Variants in PCDH7 observed in about 807,000 individuals in gnomAD.
The protein encoded by PCDH7 is protocadherin-7.
In PCDH7, 17 loss-of-function variants were observed where a neutral mutation model predicts 58.9. The observed-to-expected ratio is 0.29, with a 90% confidence interval of 0.20 to 0.43. PCDH7 has a LOEUF of 0.43. Among genes scored for constraint, PCDH7 ranks in the 20% least tolerant of loss-of-function variants. The pLI is 1.00. For synonymous variants in PCDH7, 664 were observed against 616.4 expected (o/e 1.08, Z -1.14); for missense variants, 1,274 against 1,441.0 (o/e 0.88, Z 1.88).
At chr4:31,058,569 A>G (rs73115201) in intron 3 of PCDH7, among the ~76,000 whole-genome samples, 36,010 of 151,836 alleles carry the variant, frequency 0.24, 4,521 homozygotes, top group South Asian at 0.33. Context: ...TCTAATTTTT[A>G]TTACTTTATT....
intron 1 of PCDH7, among the ~76,000 whole-genome samples, chr4:30,866,519 T>C (rs1012435220): frequency 6.6e-6 from 1 of 152,078 alleles, no homozygotes; most frequent in Non-Finnish European, 1.5e-5. Context: ...TTTGGGCTGA[T>C]TGCTGTAACG....
intron 3 of PCDH7, chr4:30,987,674 T>C (rs2109119005): frequency 6.6e-6 from 1 of 152,240 alleles, no homozygotes. Context: ...GTTTTCTTTT[T>C]TCTAGGGGCC....
chr4:31,081,901 T>C (rs1358521826), intron 3 of PCDH7, among the ~76,000 whole-genome samples: 1 of 152,040 alleles, frequency 6.6e-6, no homozygotes, highest in African/African-American at 2.4e-5. Context: ...GCCTACTGAA[T>C]AGCTGGGATT....
At chr4:31,099,522 C>T (rs1264293198) in intron 3 of PCDH7, among the ~76,000 whole-genome samples, 2 of 152,180 alleles carry the variant, frequency 1.3e-5, no homozygotes, top group Non-Finnish European at 2.9e-5. Flanking sequence ...TCAACACACA[C>T]AAATGTATAC....
chr4:30,948,625 A>G (rs1314618172), intron 2 of PCDH7, among the ~76,000 whole-genome samples: 7 of 152,176 alleles, frequency 4.6e-5, no homozygotes, highest in Non-Finnish European at 8.8e-5. Context: ...TGCAAAAAGT[A>G]TATGCTCAAT....
exon 2 of PCDH7, chr4:30,731,701 A>G (rs1340858105): frequency 2.0e-5 from 3 of 152,142 alleles, no homozygotes. Context: ...AAGCAGCTTC[A>G]AAGAGTTCAG....
chr4:30,775,984 C>T (rs1722015188), intron 1 of PCDH7, among the ~76,000 whole-genome samples: 1 of 152,164 alleles, frequency 6.6e-6, no homozygotes, highest in Non-Finnish European at 1.5e-5. Context: ...TCATTTCCCT[C>T]TAAGACATAG....
chr4:31,129,930 A>AT (rs1441632286), intron 3 of PCDH7, among the ~76,000 whole-genome samples: 4 of 128,326 alleles, frequency 3.1e-5, no homozygotes, highest in African/African-American at 1.1e-4. Flanking sequence ...AACAGGCCAC[A>AT]ATTTTTTTTT....
rs149073921 is a variant in PCDH7 at position 31,013,147 on chromosome 4, A to T, written c.*7+62932A>T. Among the ~76,000 whole-genome samples the T allele has an allele frequency of 8.2e-4, 123 of 150,174 alleles. 25 individuals are homozygous for T. In the East Asian group the frequency reaches 0.026, roughly 32 times the overall value. On this transcript the variant is annotated intron_variant, in intron 3 of 3. Transcript: ENST00000509759. ...GGCTGCAGTGAGCTGTGATATGATC[A>T]CACCACTGTGCTCCAGCCTGGGCAA... is the stretch of plus-strand genomic sequence containing the variant.
chr4:31,111,498 C>G (rs1266089072), intron 3 of PCDH7, among the ~76,000 whole-genome samples: 1 of 151,826 alleles, frequency 6.6e-6, no homozygotes, highest in African/African-American at 2.4e-5. Context: ...TTAGTAGAGA[C>G]GGGGTTTTTC....
intron 1 of PCDH7, among the ~76,000 whole-genome samples, chr4:30,837,603 A>G (rs1203382924): frequency 6.6e-6 from 1 of 151,850 alleles, no homozygotes; most frequent in East Asian, 1.9e-4. Context: ...TTGAGGGAGG[A>G]TGGGCATTGT....
In PCDH7 at chr4:30,723,762, C is replaced by A; in HGVS notation, c.2340C>A (p.Asn780Lys). The change falls in exon 1 of 2, where the codon AAC becomes AAA. Residue 780 changes from asparagine (N) to lysine (K), a missense_variant. Asn to Lys is a moderately conservative substitution (Grantham distance 94). Transcript: ENST00000361762. This position sits in a 1 kb window ranked among gnomAD's most constrained non-coding sequence, Gnocchi z 4.6. ...ATGATGGCATCAATGCAGACCTGAA[C>A]TACAGCATTGTGGGAGGAAATCCCT... The A allele has an allele frequency of 1.2e-6, 2 of 1,614,132 alleles. No individual in the cohort carries two copies. The highest frequency in any genetic ancestry group is 1.7e-6 in the Non-Finnish European group (2 of 1,180,018).
chr4:31,016,560 G>C (rs547893329), intron 3 of PCDH7, among the ~76,000 whole-genome samples: 39 of 152,090 alleles, frequency 2.6e-4, no homozygotes, highest in Admixed American at 1.3e-3. Flanking sequence ...TTGGACCCCT[G>C]GAATGCAGTG....
intron 3 of PCDH7, among the ~76,000 whole-genome samples, chr4:30,982,615 A>G (rs1300731478): frequency 6.6e-6 from 1 of 152,182 alleles, no homozygotes; most frequent in Non-Finnish European, 1.5e-5. Context: ...AAAATAATTA[A>G]CAAAACAACT....
At chr4:30,921,187 G>C (rs1743146334) in intron 2 of PCDH7, among the ~76,000 whole-genome samples, 1 of 152,084 alleles carries the variant, frequency 6.6e-6, no homozygotes, top group South Asian at 2.1e-4. Context: ...ATAGGTTTGT[G>C]TCAAATAATG....
chr4:31,097,750 G>A (rs1479059158), intron 3 of PCDH7, among the ~76,000 whole-genome samples: 1 of 150,438 alleles, frequency 6.6e-6, no homozygotes, highest in African/African-American at 2.4e-5. Flanking sequence ...AAACCAGCTA[G>A]CTTATTTGAA....
chr4:30,807,901 T>C lies in PCDH7; in HGVS notation c.70+83305T>C, dbSNP rs937389001. Among the ~76,000 whole-genome samples the C allele has an allele frequency of 3.3e-5, 5 of 152,322 alleles. No homozygotes were observed. The East Asian group carries it at 5.8e-4, about 18-fold the overall frequency. ...GAGCTTAAATTTATGGAGACTCTGA[T>C]ACATGAGAGGTGTCCACCCAGGTTT... is the stretch of plus-strand genomic sequence containing the variant. On this transcript the variant is annotated intron_variant, in intron 1 of 3. Coordinates refer to the PCDH7 transcript ENST00000509759.
chr4:30,751,589 T>C (rs16884045), intron 1 of PCDH7, among the ~76,000 whole-genome samples: 22,660 of 152,100 alleles, frequency 0.15, 1,931 homozygotes, highest in East Asian at 0.29. Flanking sequence ...ATGTGGATGT[T>C]CCTAAATTTG....
At chr4:30,965,256 C>T (rs1185793987) in intron 3 of PCDH7, among the ~76,000 whole-genome samples, 1 of 151,896 alleles carries the variant, frequency 6.6e-6, no homozygotes, top group Non-Finnish European at 1.5e-5. Flanking sequence ...ATGTTTACAT[C>T]CTGACTCACA....
Sources: gnomAD v4.1 joint callset for allele counts (sites outside exome capture counted in the v4.1 genomes callset) on GRCh38, gnomAD v4.1.1 for gene constraint, Gnocchi (gnomAD v3.1) non-coding constraint, MANE v1.5 for transcripts, NCBI Gene and HGNC (gene_info 2026-07-23, HGNC 2026-07-21) for gene names.